Variants in CNN3 observed in about 807,000 individuals in gnomAD.
The protein encoded by CNN3 is calponin 3, also known as calponin-3.
Under a neutral mutation model 39.0 loss-of-function variants are expected in CNN3, and 11 were observed. The observed-to-expected ratio is 0.28, with a 90% CI of 0.18 to 0.47. The LOEUF (loss-of-function observed/expected upper bound fraction) is 0.47, where lower values mean the gene tolerates loss of function less well. Ranked by LOEUF, CNN3 falls within the 20% of genes least tolerant of loss-of-function variation. The pLI is 0.99. For missense variants in CNN3, 266 were observed against 403.4 expected (o/e 0.66, Z 2.92); for synonymous variants, 101 against 138.3 (o/e 0.73, Z 1.89).
rs114400894 is a variant in CNN3 at position 94,927,007 on chromosome 1, C to T, written c.-113G>A. 57,666 of 1,206,750 alleles carry T rather than the reference C, an allele frequency of 0.048. 1,690 individuals carry two copies. The highest frequency in any genetic ancestry group is 0.089 in the African/African-American group (5,691 of 64,242). 74.8% of individuals were successfully genotyped at this position (1,206,750 alleles called of 1,614,324 possible). ...CCGCGGGGGATGCTCGAACTCCCTC[C>T]TCTGGGAGGCGCAGGAGACGGCCGC... On this transcript the variant is annotated 5_prime_UTR_variant, in exon 1 of 7. Transcript: ENST00000370206.
chr1:94,925,792 C>A (rs1267973893), intron 1 of CNN3: 16 of 985,338 alleles, frequency 1.6e-5, no homozygotes, highest in Non-Finnish European at 1.8e-5. Flanking sequence ...ACAGGCAGCC[C>A]TCCTTTGTGG....
At chr1:94,908,561 G>A (rs150029012) in intron 1 of CNN3, among the ~76,000 whole-genome samples, 76 of 152,174 alleles carry the variant, frequency 5.0e-4, no homozygotes, top group East Asian at 2.9e-3. Context: ...GTTTTTTTGA[G>A]ACGGAGTCTC....
Position 94,903,196 on chromosome 1 carries a change from G to C in CNN3, c.180-8C>G. ...TGTAGCTTGTTTATAAGTCTGAAAA[G>C]AAAAATATGAGAGACATCTTATTTA... On this transcript the variant is annotated splice_region_variant and splice_polypyrimidine_tract_variant and intron_variant, in intron 2 of 6. Coordinates refer to ENST00000370206, the MANE Select transcript of CNN3 (RefSeq NM_001839.5). The C allele has an allele frequency of 6.2e-7, 1 of 1,610,626 alleles. No individual in the cohort carries two copies. The highest frequency in any genetic ancestry group is 8.5e-7 in the Non-Finnish European group (1 of 1,178,778).
In CNN3 at chr1:94,902,085, G is replaced by A. The variant is rs1230139962; in HGVS notation, c.384+36C>T. ...ATGCAATTCATCACCAATGTGGTGG[G>A]AATCTGTTAACCAGCCATTAAAGAC... On this transcript the variant is annotated intron_variant, in intron 4 of 6. Transcript: ENST00000370206. 8 of 1,566,788 alleles carry A rather than the reference G, an allele frequency of 5.1e-6. No homozygotes were observed. The South Asian group carries it at 5.6e-5, about 11-fold the overall frequency.
At chr1:94,923,190 T>C (rs1026238361) in intron 1 of CNN3, among the ~76,000 whole-genome samples, 2 of 152,240 alleles carry the variant, frequency 1.3e-5, no homozygotes, top group East Asian at 3.8e-4. Flanking sequence ...CAGGAAATAC[T>C]GTGCTTCCCT....
At position 94,897,265 on chromosome 1, in the gene CNN3, T is replaced by C. The variant is rs1177242429; in HGVS notation, c.*477A>G. 1 of 156,092 alleles carries C rather than the reference T, an allele frequency of 6.4e-6. No individual in the cohort carries two copies. Among genetic ancestry groups the C allele is most frequent in the Non-Finnish European group, 1.4e-5 (1 of 70,514 alleles). 9.7% of individuals were successfully genotyped at this position (156,092 alleles called of 1,614,324 possible). On this transcript the variant is annotated 3_prime_UTR_variant, in exon 7 of 7. Coordinates refer to ENST00000370206, the MANE Select transcript of CNN3 (RefSeq NM_001839.5). Reference sequence around the variant, plus strand: ...GCAAACAATACTGTAGAAACATTGATATGTAAATTTCTAAAATGCTGCATC... The same window carrying C: ...GCAAACAATACTGTAGAAACATTGACATGTAAATTTCTAAAATGCTGCATC...
intron 1 of CNN3, among the ~76,000 whole-genome samples, chr1:94,917,675 A>C (rs1351591087): frequency 6.6e-6 from 1 of 152,262 alleles, no homozygotes; most frequent in Non-Finnish European, 1.5e-5. Context: ...GCAGGGAAGC[A>C]GTGAATAATC....
Position 94,926,742 on chromosome 1 carries a change from T to G in CNN3, c.57+96A>C. The G allele has an allele frequency of 1.5e-6, 2 of 1,360,578 alleles. No homozygotes were observed. Among genetic ancestry groups the G allele is most frequent in the Non-Finnish European group, 2.0e-6 (2 of 976,638 alleles). 84.3% of individuals were successfully genotyped at this position (1,360,578 alleles called of 1,614,324 possible). ...CGACGGCCCCTCTCCAGGAAAACGG[T>G]GAGCCACAGCGCGAAGAGCAAACGA... On this transcript the variant is annotated intron_variant, in intron 1 of 6. Coordinates refer to ENST00000370206, the MANE Select transcript of CNN3 (RefSeq NM_001839.5). The surrounding 1 kb of genome is among the most constrained non-coding windows in gnomAD (Gnocchi z 4.2).
At chr1:94,918,535 G>T (rs1210807649) in intron 1 of CNN3, among the ~76,000 whole-genome samples, 1 of 150,498 alleles carries the variant, frequency 6.6e-6, no homozygotes, top group African/African-American at 2.4e-5. Context: ...GCAAGGGGTG[G>T]GAGGAATTGA....
chr1:94,897,739 G>A lies in CNN3; in HGVS notation c.*3C>T. 1 of 1,611,970 alleles carries A rather than the reference G, an allele frequency of 6.2e-7. No homozygotes were observed. Among genetic ancestry groups the A allele is most frequent in the Non-Finnish European group, 8.5e-7 (1 of 1,178,290 alleles). The stretch of plus-strand genomic sequence containing the variant: ...CTAAATACTGAGCTCCTTCTGTGTG[G>A]ATCTAATAATCAATGCCTTGGTCGC... On this transcript the variant is annotated 3_prime_UTR_variant, in exon 7 of 7. Coordinates refer to ENST00000370206, the MANE Select transcript of CNN3 (RefSeq NM_001839.5).
Position 94,908,572 on chromosome 1 carries a change from G to C in CNN3, c.58-5048C>G, listed in dbSNP as rs12747335. Among the ~76,000 whole-genome samples, 3 of 152,140 alleles carry C rather than the reference G, an allele frequency of 2.0e-5. No homozygotes were observed. In the East Asian group the frequency reaches 5.8e-4, roughly 29 times the overall value. ...GTTTGTTTTTTTGAGACGGAGTCTC[G>C]CTCTGTCACCCAAGCTGGAGTGCCA... On this transcript the variant is annotated intron_variant, in intron 1 of 6. Coordinates refer to ENST00000370206, the MANE Select transcript of CNN3 (RefSeq NM_001839.5).
At chr1:94,913,903 C>T (rs564600492) in intron 1 of CNN3, among the ~76,000 whole-genome samples, 2 of 152,254 alleles carry the variant, frequency 1.3e-5, no homozygotes, top group South Asian at 4.1e-4. Context: ...AGATGACCTC[C>T]AAGAAAGCTT....
Position 94,897,811 on chromosome 1 carries a change from C to T in CNN3, c.921G>A (p.Glu307=), listed in dbSNP as rs774258664. 21 of 1,614,042 alleles carry T rather than the reference C, an allele frequency of 1.3e-5. No individual in the cohort carries two copies. In the East Asian group the frequency reaches 4.7e-4, roughly 36 times the overall value. ...AGTCATCCTGGTACTCGCCATGATA[C>T]TCATCAGGGTATTCTGCCTGATAAT... ...DSDYQAEYPD[E]YHGEYQDDYP... The change falls in exon 7 of 7, where the codon GAG becomes GAA. Residue 307 remains glutamate (E), a synonymous_variant. Coordinates refer to ENST00000370206, the MANE Select transcript of CNN3 (RefSeq NM_001839.5).
intron 6 of CNN3, 68 bp downstream of exon 6, chr1:94,899,303 T>C: frequency 6.7e-7 from 1 of 1,492,904 alleles, no homozygotes. Flanking sequence ...AAATACCTAC[T>C]TTAAACTTCT....
At chr1:94,913,028 G>C (rs1671203877) in intron 1 of CNN3, among the ~76,000 whole-genome samples, 1 of 152,100 alleles carries the variant, frequency 6.6e-6, no homozygotes, top group South Asian at 2.1e-4. Flanking sequence ...GGTCATTAAT[G>C]ACTTGGAAAC....
At chr1:94,901,841 C>A (rs1383727188) in intron 4 of CNN3, 56 bp from the exon 5 acceptor site, 3 of 1,272,778 alleles carry the variant, frequency 2.4e-6, no homozygotes, top group African/African-American at 1.5e-5. Flanking sequence ...ACAGAAGGAA[C>A]AACAAAGAAA....
chr1:94,898,906 A>C (rs1341470113), intron 6 of CNN3, among the ~76,000 whole-genome samples: 1 of 152,158 alleles, frequency 6.6e-6, no homozygotes, highest in African/African-American at 2.4e-5. Context: ...ATTTTTAACA[A>C]GGAAATATTT....
intron 1 of CNN3, among the ~76,000 whole-genome samples, chr1:94,907,641 G>A (rs190995303): frequency 4.1e-4 from 63 of 152,300 alleles, no homozygotes; most frequent in East Asian, 3.5e-3. Context: ...TGGGCAGATC[G>A]TGAGGTCAGG....
chr1:94,897,935 T>C lies in CNN3; in HGVS notation c.797A>G (p.Gln266Arg). ...AGCACAGTATTTGGGATCATATACT[T>C]GCCGCCCAAGCCCATACACACTCAT... ...KGMSVYGLGR[Q>R]VYDPKYCAAP... The change falls in exon 7 of 7, where the codon CAA (glutamine) becomes CGA (arginine). Residue 266 changes from glutamine to arginine, a missense_variant. Coordinates refer to ENST00000370206, the MANE Select transcript of CNN3 (RefSeq NM_001839.5). The C allele has an allele frequency of 6.2e-7, 1 of 1,614,108 alleles. No individual in the cohort carries two copies. Among genetic ancestry groups the C allele is most frequent in the Non-Finnish European group, 8.5e-7 (1 of 1,179,984 alleles).
Sources: allele counts gnomAD v4.1 joint callset (sites outside exome capture counted in the v4.1 genomes callset), GRCh38; gene constraint gnomAD v4.1.1; non-coding constraint Gnocchi (gnomAD v3.1); transcripts MANE v1.5; gene names NCBI Gene and HGNC (gene_info 2026-07-23, HGNC 2026-07-21).